Variants in IPCEF1 observed in about 807,000 individuals in gnomAD.
IPCEF1 encodes interaction protein for cytohesin exchange factors 1.
Under a neutral mutation model 50.9 loss-of-function variants are expected in IPCEF1, and 31 were observed. The observed-to-expected ratio is 0.61, with a 90% CI of 0.46 to 0.82. The LOEUF is 0.82. IPCEF1 is among the 40% of genes least tolerant of loss of function. The probability of loss-of-function intolerance (pLI) is 0.00; values close to 1 mark genes in which losing one functional copy is unlikely to be tolerated. For missense variants in IPCEF1, 458 were observed against 514.0 expected, an observed-to-expected ratio of 0.89 and a Z score of 1.05; for synonymous variants, 181 against 192.0, an observed-to-expected ratio of 0.94 and a Z score of 0.47.
intron 10 of IPCEF1, 126 bp downstream of exon 10, chr6:154,199,542 C>A: frequency 8.8e-7 from 1 of 1,132,888 alleles, no homozygotes; most frequent in African/African-American, 1.6e-5. Flanking sequence ...TGGGCATAGC[C>A]CCACTTGACT....
At chr6:154,213,308 T>C (rs1351932101) in intron 8 of IPCEF1, 1 of 161,340 alleles carries the variant, frequency 6.2e-6, no homozygotes, top group Non-Finnish European at 1.4e-5. Flanking sequence ...CTACAAGATA[T>C]GGCAGAAAAC....
chr6:154,205,063 A>C (rs1164351514), intron 9 of IPCEF1, among the ~76,000 whole-genome samples: 5 of 152,136 alleles, frequency 3.3e-5, no homozygotes, highest in African/African-American at 4.8e-5. Flanking sequence ...CACTTCTTCC[A>C]CAGGGTCTTC....
At chr6:154,217,634 G>A (rs564428754) in intron 7 of IPCEF1, 2 of 152,118 alleles carry the variant, frequency 1.3e-5, no homozygotes, top group Admixed American at 1.3e-4. Flanking sequence ...TACGTTTTAT[G>A]TATTATTAAC....
At chr6:154,306,932 T>A (rs1782951163) in intron 1 of IPCEF1, among the ~76,000 whole-genome samples, 1 of 152,098 alleles carries the variant, frequency 6.6e-6, no homozygotes, top group South Asian at 2.1e-4. Flanking sequence ...TTGCTGTGTG[T>A]GAGTGGTTGT....
At chr6:154,167,813 C>A in intron 11 of IPCEF1, 107 bp downstream of exon 11, 1 of 806,684 alleles carries the variant, frequency 1.2e-6, no homozygotes, top group Non-Finnish European at 1.9e-6. Context: ...TACAGCCCTT[C>A]CCTGCAACCA....
chr6:154,271,433 A>C (rs1041422361), intron 2 of IPCEF1, among the ~76,000 whole-genome samples: 1 of 152,192 alleles, frequency 6.6e-6, no homozygotes, highest in Non-Finnish European at 1.5e-5. Flanking sequence ...AGGAGAAAAG[A>C]AAACAATGTA....
At chr6:154,328,255 C>A (rs895879521) in intron 1 of IPCEF1, among the ~76,000 whole-genome samples, 1 of 152,140 alleles carries the variant, frequency 6.6e-6, no homozygotes, top group Non-Finnish European at 1.5e-5. Context: ...GGTTAAAGAA[C>A]AAGTCAAACT....
intron 1 of IPCEF1, among the ~76,000 whole-genome samples, chr6:154,349,480 G>C (rs938306157): frequency 7.2e-5 from 11 of 151,898 alleles, no homozygotes; most frequent in African/African-American, 2.7e-4. Flanking sequence ...TTCCACCTCA[G>C]CCTCCCAAAG....
intron 2 of IPCEF1, among the ~76,000 whole-genome samples, chr6:154,266,560 C>CCATATATATA (rs1180907519): frequency 7.4e-6 from 1 of 134,834 alleles, no homozygotes; most frequent in African/African-American, 2.7e-5. Flanking sequence ...CTTAATATTA[C>CCATATATATA]TATATATATA....
At chr6:154,195,750 G>C (rs1424870798) in intron 10 of IPCEF1, among the ~76,000 whole-genome samples, 1 of 151,156 alleles carries the variant, frequency 6.6e-6, no homozygotes, top group Non-Finnish European at 1.5e-5. Context: ...CAGCCCATTA[G>C]GTGTTAACAT....
chr6:154,272,562 T>A (rs1781925088), intron 2 of IPCEF1, among the ~76,000 whole-genome samples: 1 of 152,226 alleles, frequency 6.6e-6, no homozygotes, highest in African/African-American at 2.4e-5. Flanking sequence ...ATAAAATGCA[T>A]TCCTGATCAA....
At position 154,181,839 on chromosome 6, in the gene IPCEF1, A is replaced by G. The variant is rs76747775; in HGVS notation, c.911-13726T>C. On this transcript the variant is annotated intron_variant, in intron 10 of 11. Coordinates refer to ENST00000367220, the MANE Select transcript of IPCEF1 (RefSeq NM_001130700.2). ...GACTTGAACTGGACACTTGGGGATC[A>G]TGAACCAGTTGAATCAAAAGCAGAA... is the stretch of plus-strand genomic sequence containing the variant. Among the ~76,000 whole-genome samples, 949 of 152,324 alleles carry G rather than the reference A, an allele frequency of 6.2e-3. 12 individuals are homozygous for G. The highest frequency in any genetic ancestry group is 0.021 in the African/African-American group (865 of 41,568).
At chr6:154,268,928 C>A (rs1195186715) in intron 2 of IPCEF1, among the ~76,000 whole-genome samples, 1 of 152,138 alleles carries the variant, frequency 6.6e-6, no homozygotes. Context: ...GATCGATCCC[C>A]TTTTATAGCC....
At chr6:154,215,868 A>G (rs1351741110) in intron 7 of IPCEF1, among the ~76,000 whole-genome samples, 1 of 152,208 alleles carries the variant, frequency 6.6e-6, no homozygotes, top group Non-Finnish European at 1.5e-5. Context: ...ACAATATGCG[A>G]AAAAAATTTC....
chr6:154,291,680 G>GTTTTTTTT (rs34064925), intron 1 of IPCEF1, among the ~76,000 whole-genome samples: 2 of 104,472 alleles, frequency 1.9e-5, no homozygotes, highest in South Asian at 3.9e-4. Context: ...CTCAGGAAAG[G>GTTTTTTTT]TTTTTTTTTT....
At chr6:154,290,857 T>A (rs1466655842) in intron 1 of IPCEF1, among the ~76,000 whole-genome samples, 1 of 151,898 alleles carries the variant, frequency 6.6e-6, no homozygotes, top group African/African-American at 2.4e-5. Flanking sequence ...AACTTCTATC[T>A]ATTTTCCTGG....
In IPCEF1 at chr6:154,195,312, T is replaced by C. The variant is rs1457994360; in HGVS notation, c.910+4356A>G. Among the ~76,000 whole-genome samples the C allele has an allele frequency of 2.0e-5, 3 of 151,958 alleles. No individual in the cohort carries two copies. The South Asian group carries it at 6.2e-4, about 32-fold the overall frequency. ...ACAGGCGCCCGCCACCACACCTGGC[T>C]AATTTTTTGTGTTTTTAATAGAGAT... On this transcript the variant is annotated intron_variant, in intron 10 of 11. Coordinates refer to ENST00000367220, the MANE Select transcript of IPCEF1 (RefSeq NM_001130700.2).
intron 6 of IPCEF1, 109 bp downstream of exon 6, chr6:154,223,061 C>T (rs532329680): frequency 1.2e-6 from 1 of 849,378 alleles, no homozygotes; most frequent in Admixed American, 2.0e-5. Flanking sequence ...AATTCTCAGA[C>T]ATTCCGATGT....
intron 3 of IPCEF1, among the ~76,000 whole-genome samples, chr6:154,264,469 T>A (rs1295704692): frequency 6.6e-6 from 1 of 152,080 alleles, no homozygotes; most frequent in Non-Finnish European, 1.5e-5. Flanking sequence ...ACCTCCCAGA[T>A]TCAAGTGATC....
Sources: gnomAD v4.1 joint callset for allele counts (sites outside exome capture counted in the v4.1 genomes callset) on GRCh38, gnomAD v4.1.1 for gene constraint, MANE v1.5 for transcripts, NCBI Gene and HGNC (gene_info 2026-07-23, HGNC 2026-07-21) for gene names.